The following TMBIM4 variants were observed in gnomAD, a reference collection of about 807,000 sequenced individuals.
TMBIM4 encodes the protein transmembrane BAX inhibitor motif containing 4.
A neutral mutation model predicts 27.7 loss-of-function variants in TMBIM4; 28 were observed. The observed-to-expected ratio is 1.01, with a 90% confidence interval of 0.75 to 1.38. TMBIM4 has a LOEUF of 1.38. Ranked by LOEUF, TMBIM4 falls within the 40% of genes most tolerant of loss-of-function variation. The probability of loss-of-function intolerance (pLI) is 0.00; values close to 1 mark genes in which losing one functional copy is unlikely to be tolerated. For synonymous variants in TMBIM4, 115 were observed against 113.1 expected, an observed-to-expected ratio of 1.02 and a Z score of -0.11; for missense variants, 265 against 277.5, an observed-to-expected ratio of 0.95 and a Z score of 0.32.
At position 66,152,348 on chromosome 12, in the gene TMBIM4, C is replaced by A; in HGVS notation, c.235G>T (p.Gly79Ter). The A allele has an allele frequency of 1.9e-6, 3 of 1,607,608 alleles. No individual in the cohort carries two copies. Among genetic ancestry groups the A allele is most frequent in the Non-Finnish European group, 2.6e-6 (3 of 1,176,446 alleles). Residue 79 changes from glycine to a stop codon, truncating the protein, a stop_gained, in exon 3 of 7, where the codon GGA (glycine) becomes TGA (stop). Transcript: ENST00000358230. LOFTEE classifies it high-confidence loss of function. The stretch of plus-strand genomic sequence containing the variant: ...AACGCAAAAATCAAACCCAGAGATC[C>A]GAGGGCAAACAGCAAAATTAAGGCA... ...SPALILLFALGSLGLIFALIL... is the reference protein window; with the variant it reads ...SPALILLFAL
At chr12:66,144,060 A>T (rs1161603044) in intron 5 of TMBIM4, among the ~76,000 whole-genome samples, 1 of 152,144 alleles carries the variant, frequency 6.6e-6, no homozygotes, top group Admixed American at 6.5e-5. Flanking sequence ...CAAGAGCAGT[A>T]GTGAAGTGTT....
chr12:66,149,443 T>TC (rs2051806749), intron 3 of TMBIM4, among the ~76,000 whole-genome samples: 1 of 62,438 alleles, frequency 1.6e-5, no homozygotes, highest in Non-Finnish European at 3.3e-5. Context: ...AGACCCTGTC[T>TC]CAAAAAAAAA....
At chr12:66,156,674 A>G (rs1185685959) in intron 1 of TMBIM4, among the ~76,000 whole-genome samples, 2 of 152,220 alleles carry the variant, frequency 1.3e-5, no homozygotes, top group Non-Finnish European at 2.9e-5. Flanking sequence ...AGGACCTACA[A>G]GGTCCCACAT....
intron 1 of TMBIM4, among the ~76,000 whole-genome samples, chr12:66,168,208 G>A (rs1367028176): frequency 8.8e-5 from 13 of 148,108 alleles, no homozygotes; most frequent in South Asian, 2.1e-4. Context: ...GTGGCAAAGC[G>A]AGACCCTGTC....
rs1288269040 is a variant in TMBIM4 at position 66,136,549 on chromosome 12, T to C, written c.*1411A>G. ...TTCAGAATGTGACTGTATTTGGAGA[T>C]AGGTTTTGAAAGAGATAATTAAGGA... is the stretch of plus-strand genomic sequence containing the variant. On this transcript the variant is annotated 3_prime_UTR_variant, in exon 7 of 7. Coordinates refer to ENST00000358230, the MANE Select transcript of TMBIM4 (RefSeq NM_016056.4). The C allele has an allele frequency of 2.0e-5, 3 of 153,516 alleles. No individual in the cohort carries two copies. The highest frequency in any genetic ancestry group is 8.7e-4 in the Middle Eastern group (1 of 1,152). 9.5% of individuals were successfully genotyped at this position (153,516 alleles called of 1,614,324 possible).
intron 1 of TMBIM4, among the ~76,000 whole-genome samples, chr12:66,158,388 C>A (rs1270621381): frequency 6.6e-6 from 1 of 151,996 alleles, no homozygotes; most frequent in Non-Finnish European, 1.5e-5. Flanking sequence ...TGCCTGTAAT[C>A]CCAGCACTTT....
chr12:66,168,007 T>A (rs536326368), intron 1 of TMBIM4, among the ~76,000 whole-genome samples: 1 of 151,596 alleles, frequency 6.6e-6, no homozygotes, highest in African/African-American at 2.4e-5. Context: ...ATCGCTTGAG[T>A]CCAGGAGTTC....
At position 66,154,120 on chromosome 12, in the gene TMBIM4, T is replaced by C. The variant is rs190832847; in HGVS notation, c.98-672A>G. Among the ~76,000 whole-genome samples the C allele has an allele frequency of 3.1e-4, 47 of 152,334 alleles. 2 individuals are homozygous for C. The highest frequency in any genetic ancestry group is 2.4e-3 in the Admixed American group (37 of 15,296). ...ATACAATGAACTTCCAAGAACTCAT[T>C]ACCACCTTCAGAAATAAAACATTAA... is the stretch of plus-strand genomic sequence containing the variant. On this transcript the variant is annotated intron_variant, in intron 1 of 6. Transcript: ENST00000358230.
At chr12:66,169,371 T>A (rs1306352876) in intron 1 of TMBIM4, 4 of 642,590 alleles carry the variant, frequency 6.2e-6, no homozygotes, top group Non-Finnish European at 1.1e-5. Flanking sequence ...GAGGAAATAG[T>A]GCCGTCAGGG....
chr12:66,150,550 C>T (rs1001031264), intron 3 of TMBIM4, among the ~76,000 whole-genome samples: 2 of 152,148 alleles, frequency 1.3e-5, no homozygotes, highest in Admixed American at 6.6e-5. Context: ...AGTAGTGGGA[C>T]TACAAGCACG....
intron 5 of TMBIM4, among the ~76,000 whole-genome samples, chr12:66,139,242 C>CG (rs2051627711): frequency 6.6e-6 from 1 of 152,188 alleles, no homozygotes; most frequent in Admixed American, 6.5e-5. Flanking sequence ...ATGGACACAT[C>CG]TGACACTGCT....
At chr12:66,155,124 A>G (rs1266846169) in intron 1 of TMBIM4, among the ~76,000 whole-genome samples, 1 of 152,162 alleles carries the variant, frequency 6.6e-6, no homozygotes. Flanking sequence ...GGCATGGACA[A>G]TGTTATTTGG....
rs371893079 is a variant in TMBIM4, at chr12:66,145,972, A to G, written c.347-14T>C. 7.5e-7 allele frequency: 1 copy of G among 1,339,714 alleles called. No individual in the cohort carries two copies. Among genetic ancestry groups the G allele is most frequent in the Non-Finnish European group, 1.1e-6 (1 of 946,122 alleles). The allele number at this position is 1,339,714 out of a possible 1,614,324, so 83.0% of individuals were successfully genotyped here. A position where few individuals can be genotyped will look rare whatever the true frequency, so the allele number is the denominator to read the frequency against. Reference sequence around the variant, plus strand: ...CATAGAAAGTAACTGTAAAATTAAAACACTGATTAACATGCATATAAACAT... The same window carrying G: ...CATAGAAAGTAACTGTAAAATTAAAGCACTGATTAACATGCATATAAACAT... On this transcript the variant is annotated splice_polypyrimidine_tract_variant and intron_variant, in intron 4 of 6. Transcript: ENST00000358230.
rs542348454 is a variant in TMBIM4 at position 66,164,013 on chromosome 12, G to C, written c.97+5842C>G. On this transcript the variant is annotated intron_variant, in intron 1 of 6. Coordinates refer to ENST00000358230, the MANE Select transcript of TMBIM4 (RefSeq NM_016056.4). Reference sequence around the variant, plus strand: ...CCAGTATTCCTGGACTGTGAGGATGGTTCAATACATGAAAATTAATCAATG... The same window carrying C: ...CCAGTATTCCTGGACTGTGAGGATGCTTCAATACATGAAAATTAATCAATG... Among the ~76,000 whole-genome samples the C allele has an allele frequency of 2.2e-4, 33 of 152,306 alleles. 1 individual carries two copies. In the East Asian group the frequency reaches 3.3e-3, roughly 15 times the overall value.
chr12:66,165,899 C>T (rs1210871476), intron 1 of TMBIM4, among the ~76,000 whole-genome samples: 1 of 152,042 alleles, frequency 6.6e-6, no homozygotes, highest in Non-Finnish European at 1.5e-5. Context: ...TGAATGTGTT[C>T]TTTGATACAC....
chr12:66,169,689 A>C (rs2136894667), intron 1 of TMBIM4, among the ~76,000 whole-genome samples, 166 bp downstream of exon 1: 1 of 152,202 alleles, frequency 6.6e-6, no homozygotes, highest in Non-Finnish European at 1.5e-5. Context: ...CTCCCTGAGG[A>C]GGGCGCCAGT....
At chr12:66,161,795 C>T (rs1338376436) in intron 1 of TMBIM4, among the ~76,000 whole-genome samples, 1 of 152,148 alleles carries the variant, frequency 6.6e-6, no homozygotes, top group African/African-American at 2.4e-5. Flanking sequence ...TTCCTTAAAA[C>T]AGTCTATAGG....
At chr12:66,151,224 A>T (rs1026279740) in intron 3 of TMBIM4, among the ~76,000 whole-genome samples, 15 of 152,116 alleles carry the variant, frequency 9.9e-5, no homozygotes, top group African/African-American at 3.4e-4. Context: ...CTCGTATTTG[A>T]CTACAAGTAT....
chr12:66,160,441 G>T, intron 1 of TMBIM4: 1 of 538,040 alleles, frequency 1.9e-6, no homozygotes. Context: ...CTATTTGAAG[G>T]AATAAAAAAA....
Sources: allele counts gnomAD v4.1 joint callset (sites outside exome capture counted in the v4.1 genomes callset), GRCh38; gene constraint gnomAD v4.1.1; transcripts MANE v1.5; gene names NCBI Gene and HGNC (gene_info 2026-07-23, HGNC 2026-07-21).